DKK3: variants seen among roughly 807,000 people sequenced by gnomAD.
DKK3 encodes dickkopf Wnt signaling pathway inhibitor 3, also known as dickkopf-related protein 3.
Under a neutral mutation model 33.2 loss-of-function variants are expected in DKK3, and 22 were observed. The ratio of observed to expected loss-of-function variants is 0.66; its 90% CI spans 0.47 to 0.95. The LOEUF is 0.95. Ranked by LOEUF, DKK3 falls within the 40% of genes least tolerant of loss-of-function variation. The probability of loss-of-function intolerance (pLI) is 0.00; values close to 1 mark genes in which losing one functional copy is unlikely to be tolerated. For missense variants in DKK3, 398 were observed against 458.4 expected (o/e 0.87, Z 1.20); for synonymous variants, 194 against 188.8 (o/e 1.03, Z -0.23).
At chr11:12,002,206 G>T in intron 2 of DKK3, 94 bp downstream of exon 2, 1 of 1,357,256 alleles carries the variant, frequency 7.4e-7, no homozygotes, top group Non-Finnish European at 9.9e-7. Flanking sequence ...GTTTGGGCTT[G>T]TATATCACAT....
chr11:11,990,483 G>A (rs997811432), intron 3 of DKK3, among the ~76,000 whole-genome samples: 2 of 152,252 alleles, frequency 1.3e-5, no homozygotes, highest in Non-Finnish European at 2.9e-5. Context: ...CCATCGCCAC[G>A]AATGTCTGTC....
intron 2 of DKK3, among the ~76,000 whole-genome samples, chr11:11,999,996 T>C (rs1848388769): frequency 6.6e-6 from 1 of 152,242 alleles, no homozygotes; most frequent in Admixed American, 6.5e-5. Context: ...TTTTATAGAA[T>C]TAACCAATGT....
intron 3 of DKK3, among the ~76,000 whole-genome samples, chr11:11,977,598 T>C (rs897400446): frequency 5.3e-5 from 8 of 152,124 alleles, no homozygotes; most frequent in African/African-American, 1.9e-4. Flanking sequence ...CCCCAACACT[T>C]CTCCGGGGAC....
intron 4 of DKK3, among the ~76,000 whole-genome samples, chr11:11,967,987 G>C (rs1478057649): frequency 6.6e-6 from 1 of 152,090 alleles, no homozygotes; most frequent in Non-Finnish European, 1.5e-5. Flanking sequence ...TCATCCCCAG[G>C]GGAAGCAACA....
Position 12,008,608 on chromosome 11 carries a change from C to T in DKK3, c.-26G>A. On this transcript the variant is annotated 5_prime_UTR_variant, in exon 1 of 7. Coordinates refer to ENST00000683431, the MANE Select transcript of DKK3 (RefSeq NM_001018057.2). The surrounding 1 kb of genome is among the most constrained non-coding windows in gnomAD (Gnocchi z 4.6). ...CTCCGCTCTGCGCCCGCAGCCGCCG[C>T]CTGTGTGTCCCGGAACGCGATCAGA... 1 of 1,372,814 alleles carries T rather than the reference C, an allele frequency of 7.3e-7. No homozygotes were observed. The highest frequency in any genetic ancestry group is 9.3e-7 in the Non-Finnish European group (1 of 1,073,126). 85.0% of individuals were successfully genotyped at this position (1,372,814 alleles called of 1,614,324 possible).
At chr11:12,000,180 TTTTGTTTGTTTG>T (rs55683428) in intron 2 of DKK3, among the ~76,000 whole-genome samples, 31,493 of 151,300 alleles carry the variant, frequency 0.21, 3,571 homozygotes, top group Admixed American at 0.31. Context: ...GACTAGTGTT[TTTTGTTTGTTTG>T]TTTGTTTGTT....
At chr11:11,972,547 T>C (rs965904772) in intron 3 of DKK3, among the ~76,000 whole-genome samples, 2 of 152,114 alleles carry the variant, frequency 1.3e-5, no homozygotes, top group African/African-American at 4.8e-5. Context: ...TTGTATTGAG[T>C]CTCTCCTGAA....
intron 3 of DKK3, among the ~76,000 whole-genome samples, chr11:11,982,186 G>A (rs879717820): frequency 2.0e-5 from 3 of 152,142 alleles, no homozygotes; most frequent in Non-Finnish European, 2.9e-5. Context: ...AGTCACGGGG[G>A]CTCCCTAATC....
chr11:11,965,899 C>G lies in DKK3; in HGVS notation c.740G>C (p.Arg247Pro), dbSNP rs781093263. Residue 247 changes from arginine to proline, a missense_variant, in exon 6 of 7, where the codon CGG (arginine) becomes CCG (proline). Physicochemically the swap from Arg to Pro is moderately radical, Grantham distance 103. Coordinates refer to ENST00000683431, the MANE Select transcript of DKK3 (RefSeq NM_001018057.2). ...CTCCCAGGTGATGAGGTCCAGAAGC[C>G]GGCTGGCGGGGTCATGGCAAAGCTC... ...EGELCHDPAS[R>P]LLDLITWELE... is the part of the protein sequence containing the mutation. 1 of 1,614,118 alleles carries G rather than the reference C, an allele frequency of 6.2e-7. No individual in the cohort carries two copies. Among genetic ancestry groups the G allele is most frequent in the East Asian group, 2.2e-5 (1 of 44,864 alleles).
At chr11:11,978,026 A>T (rs953180308) in intron 3 of DKK3, among the ~76,000 whole-genome samples, 2 of 152,256 alleles carry the variant, frequency 1.3e-5, no homozygotes, top group Non-Finnish European at 2.9e-5. Context: ...ATTTTCATAC[A>T]GTATGCCTCA....
chr11:11,974,091 C>G (rs1847781787), intron 3 of DKK3, among the ~76,000 whole-genome samples: 1 of 152,262 alleles, frequency 6.6e-6, no homozygotes, highest in Non-Finnish European at 1.5e-5. Flanking sequence ...CCCCAAGCTC[C>G]TCTCAAGCCC....
intron 3 of DKK3, among the ~76,000 whole-genome samples, chr11:11,988,519 C>A (rs117065199): frequency 2.0e-5 from 3 of 152,298 alleles, no homozygotes; most frequent in South Asian, 2.1e-4. Flanking sequence ...GCCTACCTCC[C>A]GGGAAGCCCT....
At chr11:11,972,279 G>A (rs1165206605) in intron 3 of DKK3, among the ~76,000 whole-genome samples, 1 of 152,176 alleles carries the variant, frequency 6.6e-6, no homozygotes, top group Non-Finnish European at 1.5e-5. Context: ...GCCTGATCCC[G>A]CTATGGTGCA....
chr11:11,972,650 G>A (rs1847747832), intron 3 of DKK3, among the ~76,000 whole-genome samples: 1 of 152,208 alleles, frequency 6.6e-6, no homozygotes, highest in Non-Finnish European at 1.5e-5. Flanking sequence ...GAACTGAGTG[G>A]GTGGGTGGAG....
At chr11:12,003,400 A>G (rs765765520) in intron 1 of DKK3, among the ~76,000 whole-genome samples, 9 of 152,098 alleles carry the variant, frequency 5.9e-5, no homozygotes, top group African/African-American at 1.4e-4. Context: ...TTTCTTAGAC[A>G]TATGTTCTTC....
At chr11:11,965,425 C>A (rs1296180287) in intron 6 of DKK3, among the ~76,000 whole-genome samples, 2 of 152,228 alleles carry the variant, frequency 1.3e-5, no homozygotes, top group Non-Finnish European at 2.9e-5. Flanking sequence ...GGGCTGCACC[C>A]TCCACCTTGG....
At chr11:11,966,849 G>T in intron 5 of DKK3, 105 bp downstream of exon 5, 1 of 1,495,746 alleles carries the variant, frequency 6.7e-7, no homozygotes, top group African/African-American at 1.4e-5. Flanking sequence ...CTATCCAAGA[G>T]GTGGGACGCG....
chr11:11,983,980 G>A (rs1359707638), intron 3 of DKK3, among the ~76,000 whole-genome samples: 1 of 152,192 alleles, frequency 6.6e-6, no homozygotes, highest in Non-Finnish European at 1.5e-5. Context: ...ACAATGGTGG[G>A]GATGTCACTC....
intron 3 of DKK3, among the ~76,000 whole-genome samples, chr11:11,975,179 C>T (rs1847806102): frequency 6.6e-6 from 1 of 152,196 alleles, no homozygotes; most frequent in Admixed American, 6.5e-5. Context: ...CTAATACATG[C>T]ACCTTCCCCC....
Sources: gnomAD v4.1 joint callset for allele counts (sites outside exome capture counted in the v4.1 genomes callset) on GRCh38, gnomAD v4.1.1 for gene constraint, Gnocchi (gnomAD v3.1) non-coding constraint, MANE v1.5 for transcripts, NCBI Gene and HGNC (gene_info 2026-07-23, HGNC 2026-07-21) for gene names.